The following ERBB4 variants were observed in gnomAD, a reference collection of about 807,000 sequenced individuals.
The protein encoded by ERBB4 is receptor tyrosine-protein kinase erbB-4.
A neutral mutation model predicts 158.0 loss-of-function variants in ERBB4; 42 were observed. That is an observed-to-expected ratio of 0.27 (90% CI 0.21 to 0.34). ERBB4 has a LOEUF of 0.34. ERBB4 is among the 10% of genes least tolerant of loss of function. The probability of loss-of-function intolerance (pLI) is 1.00; values close to 1 mark genes in which losing one functional copy is unlikely to be tolerated. For missense variants in ERBB4, 1,333 were observed against 1,624.1 expected, an observed-to-expected ratio of 0.82 and a Z score of 3.08; for synonymous variants, 583 against 558.7, an observed-to-expected ratio of 1.04 and a Z score of -0.61.
intron 9 of ERBB4, 90 bp from the exon 10 acceptor site, chr2:211,705,481 A>G: frequency 1.1e-6 from 1 of 913,702 alleles, no homozygotes; most frequent in Non-Finnish European, 1.8e-6. Flanking sequence ...TTCAAATTTA[A>G]TTTTAATTAG....
intron 2 of ERBB4, among the ~76,000 whole-genome samples, chr2:212,040,335 T>C (rs1175956141): frequency 6.6e-6 from 1 of 151,902 alleles, no homozygotes; most frequent in Non-Finnish European, 1.5e-5. Context: ...TCTTCTCTAA[T>C]GATTTTTAGA....
chr2:212,210,088 A>C (rs1002927055), intron 1 of ERBB4, among the ~76,000 whole-genome samples: 3 of 152,076 alleles, frequency 2.0e-5, no homozygotes, highest in Non-Finnish European at 4.4e-5. Context: ...CTTGAGGCCT[A>C]ATCTCATCAA....
At chr2:212,396,673 C>G (rs1220750544) in intron 1 of ERBB4, among the ~76,000 whole-genome samples, 1 of 152,116 alleles carries the variant, frequency 6.6e-6, no homozygotes, top group Non-Finnish European at 1.5e-5. Flanking sequence ...TTAGATGGGA[C>G]TGGTTCACAA....
chr2:212,401,160 C>G (rs1363589458), intron 1 of ERBB4, among the ~76,000 whole-genome samples: 1 of 152,124 alleles, frequency 6.6e-6, no homozygotes, highest in South Asian at 2.1e-4. Flanking sequence ...CTAGTCAGAA[C>G]ACATGGATCC....
Position 211,628,127 on chromosome 2 carries a change from C to T in ERBB4, c.2079+2335G>A, listed in dbSNP as rs530405677. Among the ~76,000 whole-genome samples the T allele has an allele frequency of 2.0e-5, 3 of 151,330 alleles. No individual in the cohort carries two copies. In the East Asian group the frequency reaches 5.9e-4, roughly 30 times the overall value. ...GTTTTGAAACAGAAAGACTCTCTCT[C>T]TTTCTAACATTTTTCTAAATCTGCC... On this transcript the variant is annotated intron_variant, in intron 17 of 27. Coordinates refer to ENST00000342788, the MANE Select transcript of ERBB4 (RefSeq NM_005235.3).
At chr2:211,830,562 A>C (rs765770616) in intron 3 of ERBB4, among the ~76,000 whole-genome samples, 49 of 152,108 alleles carry the variant, frequency 3.2e-4, no homozygotes, top group Non-Finnish European at 6.5e-4. Flanking sequence ...TTTTTAGTTA[A>C]CTTTATAGTA....
At chr2:212,295,100 A>G (rs2086362052) in intron 1 of ERBB4, among the ~76,000 whole-genome samples, 1 of 152,108 alleles carries the variant, frequency 6.6e-6, no homozygotes, top group Non-Finnish European at 1.5e-5. Context: ...GCAGAAACAG[A>G]GTTTGTAATC....
At chr2:212,472,258 A>G (rs1241869968) in intron 1 of ERBB4, among the ~76,000 whole-genome samples, 1 of 151,532 alleles carries the variant, frequency 6.6e-6, no homozygotes, top group Non-Finnish European at 1.5e-5. Context: ...AGGACGCTAA[A>G]ATGCACTGAA....
rs1219416032 is a variant in ERBB4 at position 211,772,834 on chromosome 2, T to TATATATATATATACACAC, written c.556+15190_556+15191insGTGTGTATATATATATAT. ...ATATATATATATATATATATATATA[T>TATATATATATATACACAC]ACACATATATATATATATATATATA... On this transcript the variant is annotated intron_variant, in intron 4 of 27. Coordinates refer to ENST00000342788, the MANE Select transcript of ERBB4 (RefSeq NM_005235.3). Among the ~76,000 whole-genome samples the TATATATATATATACACAC allele has an allele frequency of 1.0e-2, 103 of 10,330 alleles. 4 individuals carry two copies. Among genetic ancestry groups the TATATATATATATACACAC allele is most frequent in the African/African-American group, 0.039 (102 of 2,594 alleles). 6.8% of individuals were successfully genotyped at this position (10,330 alleles called of 152,430 possible). A position where few individuals can be genotyped will look rare whatever the true frequency, so the allele number is the denominator to read the frequency against.
chr2:211,684,375 C>T (rs763112113), intron 12 of ERBB4, among the ~76,000 whole-genome samples: 40 of 152,092 alleles, frequency 2.6e-4, no homozygotes, highest in African/African-American at 8.4e-4. Context: ...CGCTTGAAAC[C>T]GGGAGGTGGA....
At chr2:212,064,192 T>C (rs561831339) in intron 2 of ERBB4, among the ~76,000 whole-genome samples, 5 of 152,206 alleles carry the variant, frequency 3.3e-5, no homozygotes, top group Admixed American at 3.3e-4. Flanking sequence ...AAAACTATTA[T>C]TTACAAAGGC....
At chr2:211,695,983 T>C (rs2073005896) in intron 12 of ERBB4, among the ~76,000 whole-genome samples, 1 of 150,408 alleles carries the variant, frequency 6.6e-6, no homozygotes, top group African/African-American at 2.4e-5. Context: ...CTTCCTTCCT[T>C]CCTCCCTCCT....
intron 19 of ERBB4, among the ~76,000 whole-genome samples, chr2:211,573,174 A>T (rs1448455757): frequency 3.3e-5 from 5 of 152,142 alleles, no homozygotes; most frequent in Non-Finnish European, 7.4e-5. Context: ...CAATGTGAAG[A>T]AGGAGACAGA....
chr2:211,742,440 T>G (rs1212782717), intron 5 of ERBB4, among the ~76,000 whole-genome samples: 1 of 152,228 alleles, frequency 6.6e-6, no homozygotes, highest in African/African-American at 2.4e-5. Flanking sequence ...CTTGTTGAAA[T>G]TTTGAGGAAC....
At chr2:212,521,704 T>C (rs1052420487) in intron 1 of ERBB4, among the ~76,000 whole-genome samples, 1 of 152,006 alleles carries the variant, frequency 6.6e-6, no homozygotes. Flanking sequence ...AACATTAATA[T>C]TCAATTCCCT....
At chr2:211,828,974 T>C (rs115233901) in intron 3 of ERBB4, among the ~76,000 whole-genome samples, 1,853 of 152,274 alleles carry the variant, frequency 0.012, 18 homozygotes, top group Non-Finnish European at 0.019. Flanking sequence ...CCACTCTCTT[T>C]CCTTCTTTAT....
chr2:212,383,323 A>G (rs1448702614), intron 1 of ERBB4, among the ~76,000 whole-genome samples: 1 of 151,508 alleles, frequency 6.6e-6, no homozygotes, highest in Non-Finnish European at 1.5e-5. Context: ...GATTAATTCT[A>G]AGAATATAGG....
At chr2:211,957,789 A>G (rs1011627445) in intron 2 of ERBB4, among the ~76,000 whole-genome samples, 2 of 152,152 alleles carry the variant, frequency 1.3e-5, no homozygotes, top group African/African-American at 4.8e-5. Flanking sequence ...AGGAATAACT[A>G]CACATCACCA....
chr2:211,869,488 C>G (rs1449758178), intron 3 of ERBB4, among the ~76,000 whole-genome samples: 2 of 152,102 alleles, frequency 1.3e-5, no homozygotes, highest in African/African-American at 2.4e-5. Flanking sequence ...TATCACCTAG[C>G]AGAATTATGG....
Sources: gnomAD v4.1 joint callset for allele counts (sites outside exome capture counted in the v4.1 genomes callset) on GRCh38, gnomAD v4.1.1 for gene constraint, MANE v1.5 for transcripts, NCBI Gene and HGNC (gene_info 2026-07-23, HGNC 2026-07-21) for gene names.